Variants in AGPAT4 observed in about 807,000 individuals in gnomAD.
The protein encoded by AGPAT4 is 1-acyl-sn-glycerol-3-phosphate acyltransferase delta.
A neutral mutation model predicts 48.0 loss-of-function variants in AGPAT4; 15 were observed. The ratio of observed to expected loss-of-function variants is 0.31; its 90% CI spans 0.21 to 0.48. The LOEUF (loss-of-function observed/expected upper bound fraction) is 0.48. AGPAT4 is among the 20% of genes least tolerant of loss of function. The pLI is 0.99. For synonymous variants in AGPAT4, 178 were observed against 198.7 expected (o/e 0.90, Z 0.88); for missense variants, 314 against 482.5 (o/e 0.65, Z 3.27).
rs186015412 is a variant in AGPAT4, at chr6:161,167,939, C to T, written c.179-1522G>A. Among the ~76,000 whole-genome samples, 289 of 152,330 alleles carry T rather than the reference C, an allele frequency of 1.9e-3. 1 individual carries two copies. The highest frequency in any genetic ancestry group is 6.7e-3 in the African/African-American group (277 of 41,562). ...AAGCTATCAGTCTCCTTAAAAACGA[C>T]GAAAACCACTCCCCTTCCTTCTCCA... On this transcript the variant is annotated intron_variant, in intron 2 of 8. Transcript: ENST00000320285.
chr6:161,210,782 TA>T (rs926248546), intron 2 of AGPAT4, among the ~76,000 whole-genome samples: 1 of 152,212 alleles, frequency 6.6e-6, no homozygotes, highest in African/African-American at 2.4e-5. Flanking sequence ...AAATTTGGCA[TA>T]GGGGTTACAA....
chr6:161,269,456 T>C lies in AGPAT4; in HGVS notation c.-90+4482A>G, dbSNP rs78583277. On this transcript the variant is annotated intron_variant, in intron 1 of 8. Transcript: ENST00000320285. ...TCAATGAAAGAAGTATCCTGTTTCA[T>C]TGGCCAATAAATGCTTCTATTAGAA... is the stretch of plus-strand genomic sequence containing the variant. Among the ~76,000 whole-genome samples, 768 of 152,348 alleles carry C rather than the reference T, an allele frequency of 5.0e-3. 10 individuals are homozygous for C. Among genetic ancestry groups the C allele is most frequent in the East Asian group, 0.032 (164 of 5,180 alleles).
rs1452899889 is a variant in AGPAT4, at chr6:161,232,664, G to A, written c.-89-362C>T. 6.6e-6 allele frequency among the ~76,000 whole-genome samples: 1 copy of A among 152,178 alleles called. No individual in the cohort carries two copies. The highest frequency in any genetic ancestry group is 1.5e-5 in the Non-Finnish European group (1 of 68,024). ...CCCACTTGAGTGACGGCTGCCCACA[G>A]GACAGGCCGCAAATCCGGCCTCCCC... On this transcript the variant is annotated intron_variant, in intron 1 of 8. Coordinates refer to ENST00000320285, the MANE Select transcript of AGPAT4 (RefSeq NM_020133.3). The surrounding 1 kb of genome is among the most constrained non-coding windows in gnomAD (Gnocchi z 6.8).
intron 2 of AGPAT4, among the ~76,000 whole-genome samples, chr6:161,182,954 T>C (rs1161524761): frequency 3.3e-5 from 5 of 152,124 alleles, no homozygotes; most frequent in Non-Finnish European, 7.4e-5. Flanking sequence ...CGCCGAGGCA[T>C]ACCACTGGCT....
intron 2 of AGPAT4, among the ~76,000 whole-genome samples, chr6:161,210,322 A>C (rs1334899027): frequency 6.6e-6 from 1 of 152,196 alleles, no homozygotes; most frequent in East Asian, 1.9e-4. Flanking sequence ...TGTTTCCTTT[A>C]ATATGCAAAT....
chr6:161,209,634 G>A (rs1004527565), intron 2 of AGPAT4, among the ~76,000 whole-genome samples: 1 of 152,128 alleles, frequency 6.6e-6, no homozygotes, highest in African/African-American at 2.4e-5. Context: ...GACCCGAACA[G>A]GCTCCTCGAG....
At chr6:161,228,337 C>G (rs1271716626) in intron 2 of AGPAT4, among the ~76,000 whole-genome samples, 2 of 152,194 alleles carry the variant, frequency 1.3e-5, no homozygotes, top group African/African-American at 4.8e-5. Flanking sequence ...TGTGGCCTTC[C>G]CCATTCAAGG....
rs747183141 is a variant in AGPAT4 at position 161,195,542 on chromosome 6, T to C, written c.179-29125A>G. On this transcript the variant is annotated intron_variant, in intron 2 of 8. Coordinates refer to ENST00000320285, the MANE Select transcript of AGPAT4 (RefSeq NM_020133.3). The surrounding 1 kb of genome is among the most constrained non-coding windows in gnomAD (Gnocchi z 5.0). Reference sequence around the variant, plus strand: ...AAAGCGCTTCCTAGCGCACACTTCATGTAACAGTTCACTCAGCAAGCCCAT... The same window carrying C: ...AAAGCGCTTCCTAGCGCACACTTCACGTAACAGTTCACTCAGCAAGCCCAT... 6.6e-6 allele frequency among the ~76,000 whole-genome samples: 1 copy of C among 152,204 alleles called. No individual in the cohort carries two copies. Among genetic ancestry groups the C allele is most frequent in the Non-Finnish European group, 1.5e-5 (1 of 68,032 alleles).
Position 161,139,405 on chromosome 6 carries a change from C to T in AGPAT4, c.1042+17G>A. Reference sequence around the variant, plus strand: ...GTGGTGCTGTCAGCACCCACCAGCCCCTTGCCCTCCACTCACCCACAAAGA... The same window carrying T: ...GTGGTGCTGTCAGCACCCACCAGCCTCTTGCCCTCCACTCACCCACAAAGA... On this transcript the variant is annotated intron_variant, in intron 8 of 8. Transcript: ENST00000320285. This position sits in a 1 kb window ranked among gnomAD's most constrained non-coding sequence, Gnocchi z 9.1. The T allele has an allele frequency of 6.2e-7, 1 of 1,613,176 alleles. No homozygotes were observed. The highest frequency in any genetic ancestry group is 8.5e-7 in the Non-Finnish European group (1 of 1,179,386).
intron 3 of AGPAT4, among the ~76,000 whole-genome samples, chr6:161,163,300 T>C (rs1193418696): frequency 6.6e-6 from 1 of 152,270 alleles, no homozygotes; most frequent in African/African-American, 2.4e-5. Flanking sequence ...AGGAACCTTC[T>C]TCTGTTCCTT....
Position 161,159,809 on chromosome 6 carries a change from A to G in AGPAT4, c.349-5499T>C, listed in dbSNP as rs1380638326. Among the ~76,000 whole-genome samples the G allele has an allele frequency of 6.6e-6, 1 of 151,506 alleles. No homozygotes were observed. The highest frequency in any genetic ancestry group is 1.5e-5 in the Non-Finnish European group (1 of 67,926). ...CAGGCACCTGCCACCGTGCCTGGCTAATTTTTTGTATTGTTAGTAGAGACG... is the reference window on the plus strand; with the variant it reads ...CAGGCACCTGCCACCGTGCCTGGCTGATTTTTTGTATTGTTAGTAGAGACG... On this transcript the variant is annotated intron_variant, in intron 3 of 8. Transcript: ENST00000320285. The surrounding 1 kb of genome is among the most constrained non-coding windows in gnomAD (Gnocchi z 4.1).
intron 2 of AGPAT4, among the ~76,000 whole-genome samples, chr6:161,224,395 G>A (rs1781913070): frequency 6.6e-6 from 1 of 152,212 alleles, no homozygotes; most frequent in Non-Finnish European, 1.5e-5. Context: ...TGTAATCCCA[G>A]CACTTTGGGA....
At position 161,266,874 on chromosome 6, in the gene AGPAT4, G is replaced by T. The variant is rs533624479; in HGVS notation, c.-90+7064C>A. 1.3e-5 allele frequency among the ~76,000 whole-genome samples: 2 copies of T among 152,316 alleles called. No individual in the cohort carries two copies. The highest frequency in any genetic ancestry group is 6.5e-5 in the Admixed American group (1 of 15,310). On this transcript the variant is annotated intron_variant, in intron 1 of 8. Transcript: ENST00000320285. The surrounding 1 kb of genome is among the most constrained non-coding windows in gnomAD (Gnocchi z 6.2). Reference sequence around the variant, plus strand: ...ACTGACAGCTCACGAGGAGCCCATGGAGATGGGCAAGAGACCAAATTTCAC... The same window carrying T: ...ACTGACAGCTCACGAGGAGCCCATGTAGATGGGCAAGAGACCAAATTTCAC...
Position 161,195,235 on chromosome 6 carries a change from G to T in AGPAT4, c.179-28818C>A, listed in dbSNP as rs1391867753. On this transcript the variant is annotated intron_variant, in intron 2 of 8. Transcript: ENST00000320285. This position sits in a 1 kb window ranked among gnomAD's most constrained non-coding sequence, Gnocchi z 5.0. ...TCATTTAACCGAAAACCAAGATGAA[G>T]GATAATTCAAGACAAGAAACTGGCA... 6.6e-6 allele frequency among the ~76,000 whole-genome samples: 1 copy of T among 152,096 alleles called. No homozygotes were observed. Among genetic ancestry groups the T allele is most frequent in the Non-Finnish European group, 1.5e-5 (1 of 68,014 alleles).
At position 161,184,777 on chromosome 6, in the gene AGPAT4, A is replaced by G. The variant is rs976346287; in HGVS notation, c.179-18360T>C. Among the ~76,000 whole-genome samples, 1 of 152,190 alleles carries G rather than the reference A, an allele frequency of 6.6e-6. No homozygotes were observed. The highest frequency in any genetic ancestry group is 1.5e-5 in the Non-Finnish European group (1 of 68,036). The stretch of plus-strand genomic sequence containing the variant: ...ATCTGACTACATCAAGCCTAGGAGC[A>G]ATGAGAGCTTGGTAGCCATAAATAC... On this transcript the variant is annotated intron_variant, in intron 2 of 8. Transcript: ENST00000320285. This position sits in a 1 kb window ranked among gnomAD's most constrained non-coding sequence, Gnocchi z 4.8.
chr6:161,273,410 A>G (rs1783487331), intron 1 of AGPAT4, among the ~76,000 whole-genome samples: 1 of 152,224 alleles, frequency 6.6e-6, no homozygotes. Flanking sequence ...CAAGAAGCAG[A>G]GCAGAAAGCT....
rs892355046 is a variant in AGPAT4, at chr6:161,240,127, C to G, written c.-89-7825G>C. On this transcript the variant is annotated intron_variant, in intron 1 of 8. Transcript: ENST00000320285. The surrounding 1 kb of genome is among the most constrained non-coding windows in gnomAD (Gnocchi z 5.5). ...CATTATGATATTAAGTGACAGGATA[C>G]AAAATCATGTGGAGAAAATAATCAC... Among the ~76,000 whole-genome samples the G allele has an allele frequency of 2.7e-5, 4 of 150,538 alleles. No individual in the cohort carries two copies. The highest frequency in any genetic ancestry group is 5.9e-5 in the Non-Finnish European group (4 of 67,734).
intron 2 of AGPAT4, among the ~76,000 whole-genome samples, chr6:161,228,495 T>C (rs1173159703): frequency 6.6e-6 from 1 of 150,984 alleles, no homozygotes; most frequent in Non-Finnish European, 1.5e-5. Context: ...TGTGGGGTGG[T>C]GGTGTCCACT....
chr6:161,149,262 T>C lies in AGPAT4; in HGVS notation c.692A>G (p.Asn231Ser). The part of the protein sequence containing the change: ...VVSAVYDCTL[N>S]FRNNENPTLL... ...TGTTGGATTTTCATTATTTCTGAAA[T>C]TGAGTGTACAGTCATATACAGCTGA... Residue 231 changes from asparagine to serine, a missense_variant, in exon 6 of 9, where the codon AAT (asparagine) becomes AGT (serine). By Grantham distance (46) the Asn-to-Ser change is conservative. Transcript: ENST00000320285. This position sits in a 1 kb window ranked among gnomAD's most constrained non-coding sequence, Gnocchi z 6.5. 1.2e-6 allele frequency: 2 copies of C among 1,613,182 alleles called. No individual in the cohort carries two copies. The highest frequency in any genetic ancestry group is 2.2e-5 in the East Asian group (1 of 44,874).
Sources: allele counts gnomAD v4.1 joint callset (sites outside exome capture counted in the v4.1 genomes callset), GRCh38; gene constraint gnomAD v4.1.1; non-coding constraint Gnocchi (gnomAD v3.1); transcripts MANE v1.5; gene names NCBI Gene and HGNC (gene_info 2026-07-23, HGNC 2026-07-21).